The following ITIH3 variants were observed in gnomAD, a reference collection of about 807,000 sequenced individuals.
ITIH3 encodes inter-alpha-trypsin inhibitor heavy chain H3.
A neutral mutation model predicts 96.5 loss-of-function variants in ITIH3; 81 were observed. That is an observed-to-expected ratio of 0.84 (90% CI 0.70 to 1.01). The LOEUF (loss-of-function observed/expected upper bound fraction) is 1.01. Ranked by LOEUF, ITIH3 falls within the 50% of genes least tolerant of loss-of-function variation. ITIH3 has a pLI of 0.00. For synonymous variants in ITIH3, 422 were observed against 445.2 expected (o/e 0.95, Z 0.66); for missense variants, 1,057 against 1,139.3 (o/e 0.93, Z 1.04).
At chr3:52,803,479 T>C (rs1221951935) in intron 13 of ITIH3, among the ~76,000 whole-genome samples, 1 of 151,216 alleles carries the variant, frequency 6.6e-6, no homozygotes, top group Non-Finnish European at 1.5e-5. Flanking sequence ...CCACCATGCC[T>C]GGCTAATTTT....
chr3:52,802,728 A>G lies in ITIH3; in HGVS notation c.1631A>G (p.Gln544Arg). ...VDMKEMEKAL[Q>R]ERDYIFGNYI... ...ATGAAGGAGATGGAGAAGGCCCTGCAGGAGCGGGACTACATCTTCGGGAAT... is the reference window on the plus strand; with the variant it reads ...ATGAAGGAGATGGAGAAGGCCCTGCGGGAGCGGGACTACATCTTCGGGAAT... Residue 544 changes from glutamine (Q) to arginine (R), a missense_variant, in exon 13 of 22, where the codon CAG becomes CGG. Coordinates refer to ENST00000449956, the MANE Select transcript of ITIH3 (RefSeq NM_002217.4). The G allele has an allele frequency of 6.2e-7, 1 of 1,614,006 alleles. No homozygotes were observed. Among genetic ancestry groups the G allele is most frequent in the Non-Finnish European group, 8.5e-7 (1 of 1,179,866 alleles).
At chr3:52,806,235 A>G in intron 17 of ITIH3, 58 bp from the exon 18 acceptor site, 1 of 1,593,370 alleles carries the variant, frequency 6.3e-7, no homozygotes, top group Non-Finnish European at 8.6e-7. Context: ...AGGCTGGGGG[A>G]GGCCCCAGGT....
intron 13 of ITIH3, among the ~76,000 whole-genome samples, chr3:52,803,411 C>T (rs1169737155): frequency 4.6e-5 from 7 of 151,066 alleles, no homozygotes; most frequent in East Asian, 1.9e-4. Flanking sequence ...CTCCGCCTCC[C>T]GGGTTCACGC....
rs750783492 is a variant in ITIH3, at chr3:52,797,881, C to T, written c.614C>T (p.Thr205Ile). Reference sequence around the variant, plus strand: ...CTGGATGCTGAGGCCTCTTTCATCACCAACGACCTCCTGGGAAGCGCCCTC... The same window carrying T: ...CTGGATGCTGAGGCCTCTTTCATCATCAACGACCTCCTGGGAAGCGCCCTC... ...SMLDAEASFITNDLLGSALTK... is the reference protein window; with the variant it reads ...SMLDAEASFIINDLLGSALTK... Residue 205 changes from threonine to isoleucine, a missense_variant, in exon 6 of 22, where the codon ACC (threonine) becomes ATC (isoleucine). Thr to Ile is a moderately conservative substitution (Grantham distance 89). Transcript: ENST00000449956. 6.2e-6 allele frequency: 10 copies of T among 1,609,560 alleles called. No homozygotes were observed. Among genetic ancestry groups the T allele is most frequent in the Non-Finnish European group, 6.8e-6 (8 of 1,178,330 alleles).
At chr3:52,796,184 G>A (rs1023479319) in intron 2 of ITIH3, 15 of 348,568 alleles carry the variant, frequency 4.3e-5, no homozygotes, top group African/African-American at 2.5e-4. Flanking sequence ...AGTGTCCCAC[G>A]CATAGCTGGA....
At chr3:52,805,286 G>T in intron 15 of ITIH3, 2 of 1,008,368 alleles carry the variant, frequency 2.0e-6, no homozygotes, top group South Asian at 8.6e-5. Context: ...GCCCCTACTG[G>T]CCTGCCCCAC....
intron 4 of ITIH3, 67 bp downstream of exon 4, chr3:52,796,910 A>G (rs1398211334): frequency 8.1e-7 from 1 of 1,233,036 alleles, no homozygotes; most frequent in African/African-American, 1.5e-5. Context: ...GCTACAAACA[A>G]CAACAACAGC....
intron 12 of ITIH3, 64 bp from the exon 13 acceptor site, chr3:52,802,603 G>A: frequency 6.2e-7 from 1 of 1,610,564 alleles, no homozygotes; most frequent in Non-Finnish European, 8.5e-7. Flanking sequence ...GTCCAGGAGT[G>A]GTGGCCCCTG....
intron 11 of ITIH3, among the ~76,000 whole-genome samples, chr3:52,801,906 A>T (rs750667503): frequency 1.7e-4 from 26 of 152,124 alleles, no homozygotes; most frequent in Non-Finnish European, 2.8e-4. Context: ...CTAGGCAGGT[A>T]ATGGCATCTC....
intron 12 of ITIH3, 40 bp downstream of exon 12, chr3:52,802,559 G>T (rs751165819): frequency 6.2e-7 from 1 of 1,610,708 alleles, no homozygotes. Flanking sequence ...TGGGGATGGG[G>T]TATCAGCAGT....
Position 52,807,812 on chromosome 3 carries a change from T to G in ITIH3, c.2327T>G (p.Val776Gly), listed in dbSNP as rs779492479. The G allele has an allele frequency of 1.9e-6, 3 of 1,612,252 alleles. No individual in the cohort carries two copies. The South Asian group carries it at 3.3e-5, about 18-fold the overall frequency. ...VSFGDGVTFV[V>G]VLHQVWKKHP... ...TTTGGAGATGGGGTTACCTTCGTGGTCGTCCTACACCAGGTGTGGAAGAAA... is the reference window on the plus strand; with the variant it reads ...TTTGGAGATGGGGTTACCTTCGTGGGCGTCCTACACCAGGTGTGGAAGAAA... The change falls in exon 20 of 22, where the codon GTC becomes GGC. Residue 776 changes from valine to glycine, a missense_variant. Transcript: ENST00000449956.
Position 52,795,616 on chromosome 3 carries a change from C to T in ITIH3, c.107C>T (p.Pro36Leu), listed in dbSNP as rs771419128. 2.6e-5 allele frequency: 42 copies of T among 1,612,224 alleles called. 2 individuals are homozygous for T. In the East Asian group the frequency reaches 4.7e-4, roughly 18 times the overall value. ...TTGTTTTTTCAGAAACGGAGCCTCC[C>T]GGAAGGGGTAAGAACTTTCACCAGG... ...PFRLLGKRSLPEGVANGIEVY... is the reference protein window; with the variant it reads ...PFRLLGKRSLLEGVANGIEVY... The change falls in exon 2 of 22, where the codon CCG becomes CTG. Residue 36 changes from proline to leucine, a missense_variant. Physicochemically the swap from Pro to Leu is moderately conservative, Grantham distance 98. Transcript: ENST00000449956.
At chr3:52,804,607 G>A in intron 14 of ITIH3, 119 bp from the exon 15 acceptor site, 1 of 1,037,462 alleles carries the variant, frequency 9.6e-7, no homozygotes, top group East Asian at 2.6e-5. Flanking sequence ...GGAAGAGCTG[G>A]CTGCTGGGAG....
Position 52,803,939 on chromosome 3 carries a change from G to T in ITIH3, c.1794G>T (p.Leu598=). 1 of 1,613,864 alleles carries T rather than the reference G, an allele frequency of 6.2e-7. No homozygotes were observed. The highest frequency in any genetic ancestry group is 8.5e-7 in the Non-Finnish European group (1 of 1,179,826). Residue 598 remains leucine, a synonymous_variant, in exon 14 of 22, where the codon CTG becomes CTT. Transcript: ENST00000449956. Reference sequence around the variant, plus strand: ...TCAAGTATCACTTTGTGACTCCACTGACCTCAATGGTGGTGACCAAGCCTG... The same window carrying T: ...TCAAGTATCACTTTGTGACTCCACTTACCTCAATGGTGGTGACCAAGCCTG... ...LSLKYHFVTP[L]TSMVVTKPED...
rs377182011 is a variant in ITIH3, at chr3:52,808,624, C to T, written c.2616C>T (p.Asn872=). The T allele has an allele frequency of 2.4e-5, 39 of 1,613,972 alleles. No homozygotes were observed. The highest frequency in any genetic ancestry group is 1.9e-4 in the African/African-American group (14 of 75,038). ...TTGTCTGCTGGTTCGTCCACAACAA[C>T]GGAGAAGGGCTGATTGATGGTGTCC... ...TKVVCWFVHN[N]GEGLIDGVHT... Residue 872 remains asparagine (N), a synonymous_variant, in exon 22 of 22, where the codon AAC becomes AAT. Transcript: ENST00000449956.
At chr3:52,798,917 G>T in intron 6 of ITIH3, 49 bp from the exon 7 acceptor site, 1 of 1,603,248 alleles carries the variant, frequency 6.2e-7, no homozygotes, top group South Asian at 1.1e-5. Context: ...GTCTCCCAGT[G>T]GGCAGGCCCT....
intron 18 of ITIH3, 22 bp downstream of exon 18, chr3:52,806,428 C>G (rs571751986): frequency 1.3e-6 from 2 of 1,586,792 alleles, no homozygotes; most frequent in African/African-American, 1.3e-5. Context: ...GGGCTAGGGC[C>G]GGGGCCAGGG....
chr3:52,807,218 A>G, intron 19 of ITIH3, 113 bp downstream of exon 19: 1 of 938,160 alleles, frequency 1.1e-6, no homozygotes, highest in Non-Finnish European at 1.6e-6. Flanking sequence ...CACAGGAAAG[A>G]TCAGAGACCC....
rs978703047 is a variant in ITIH3, at chr3:52,803,278, A to G, written c.1709+472A>G. Among the ~76,000 whole-genome samples, 60 of 136,158 alleles carry G rather than the reference A, an allele frequency of 4.4e-4. 1 individual carries two copies. Among genetic ancestry groups the G allele is most frequent in the African/African-American group, 1.8e-3 (56 of 30,644 alleles). The allele number at this position is 136,158 out of a possible 152,430, so 89.3% of individuals were successfully genotyped here. A position where few individuals can be genotyped will look rare whatever the true frequency, so the allele number is the denominator to read the frequency against. ...TTGTAGCCCCTTATTTTATTTATTT[A>G]TTTATTTATTTATTTATTTATTTAT... is the stretch of plus-strand genomic sequence containing the variant. On this transcript the variant is annotated intron_variant, in intron 13 of 21. Coordinates refer to ENST00000449956, the MANE Select transcript of ITIH3 (RefSeq NM_002217.4).
Sources: allele counts gnomAD v4.1 joint callset (sites outside exome capture counted in the v4.1 genomes callset), GRCh38; gene constraint gnomAD v4.1.1; transcripts MANE v1.5; gene names NCBI Gene and HGNC (gene_info 2026-07-23, HGNC 2026-07-21).